Variants in GRAMD1B observed in about 807,000 individuals in gnomAD.
The protein encoded by GRAMD1B is protein Aster-B.
A neutral mutation model predicts 99.7 loss-of-function variants in GRAMD1B; 37 were observed. The ratio of observed to expected loss-of-function variants is 0.37; its 90% CI spans 0.29 to 0.49. The LOEUF (loss-of-function observed/expected upper bound fraction) is 0.49, where lower values mean the gene tolerates loss of function less well. GRAMD1B is among the 20% of genes least tolerant of loss of function. The pLI, the probability that GRAMD1B is intolerant of heterozygous loss-of-function variation, is 0.98. For synonymous variants in GRAMD1B, 427 were observed against 387.6 expected (o/e 1.10, Z -1.19); for missense variants, 888 against 1,009.2 (o/e 0.88, Z 1.63).
At position 123,609,720 on chromosome 11, in the gene GRAMD1B, C is replaced by T. The variant is rs576895935; in HGVS notation, c.1658-75C>T. On this transcript the variant is annotated intron_variant, in intron 12 of 19. Coordinates refer to ENST00000635736, the MANE Select transcript of GRAMD1B (RefSeq NM_001387025.1). ...GTAGTAAGCACAGTCCAGAAGGTCACTTGGAGGGGAAACTTGGATTGGGGA... is the reference window on the plus strand; with the variant it reads ...GTAGTAAGCACAGTCCAGAAGGTCATTTGGAGGGGAAACTTGGATTGGGGA... 125 of 895,736 alleles carry T rather than the reference C, an allele frequency of 1.4e-4. 2 individuals carry two copies. The South Asian group carries it at 1.6e-3, about 12-fold the overall frequency. 55.5% of individuals were successfully genotyped at this position (895,736 alleles called of 1,614,324 possible). A position where few individuals can be genotyped will look rare whatever the true frequency, so the allele number is the denominator to read the frequency against.
intron 1 of GRAMD1B, among the ~76,000 whole-genome samples, chr11:123,405,203 T>TGTGC (rs1189390777): frequency 6.6e-6 from 1 of 151,652 alleles, no homozygotes; most frequent in African/African-American, 2.4e-5. Context: ...TGTGTGTGTG[T>TGTGC]GTGTGTGTGT....
intron 3 of GRAMD1B, among the ~76,000 whole-genome samples, chr11:123,579,564 G>T (rs1374311292): frequency 6.6e-6 from 1 of 152,168 alleles, no homozygotes; most frequent in Non-Finnish European, 1.5e-5. Context: ...TCTGGGAATG[G>T]GGTTTTGAAA....
At position 123,525,474 on chromosome 11, in the gene GRAMD1B, C is replaced by T. The variant is rs558398830; in HGVS notation, c.452+44581C>T. On this transcript the variant is annotated intron_variant, in intron 2 of 19. Transcript: ENST00000635736. ...CTGAGTGGATGCTGACAGAAGTGCT[C>T]AACTTCAGATATTTCTGCCCCCTCC... 2.7e-4 allele frequency among the ~76,000 whole-genome samples: 41 copies of T among 152,280 alleles called. 3 individuals carry two copies. Among genetic ancestry groups the T allele is most frequent in the African/African-American group, 9.6e-4 (40 of 41,560 alleles).
intron 2 of GRAMD1B, among the ~76,000 whole-genome samples, chr11:123,485,757 C>T (rs1937674360): frequency 1.4e-5 from 2 of 146,776 alleles, no homozygotes; most frequent in African/African-American, 5.1e-5. Context: ...TGCTCTGTTA[C>T]CCAGGGTGGA....
chr11:123,417,221 A>G (rs1948261776), intron 1 of GRAMD1B, among the ~76,000 whole-genome samples: 1 of 152,088 alleles, frequency 6.6e-6, no homozygotes, highest in Admixed American at 6.5e-5. Flanking sequence ...AAAAATACAA[A>G]AATTAGCTGG....
chr11:123,616,982 CA>C (rs1465204671), intron 17 of GRAMD1B, among the ~76,000 whole-genome samples: 1 of 152,196 alleles, frequency 6.6e-6, no homozygotes, highest in East Asian at 1.9e-4. Flanking sequence ...CCTGAGAACA[CA>C]GCAGCCCCAG....
At chr11:123,575,857 C>T (rs933298735) in intron 2 of GRAMD1B, among the ~76,000 whole-genome samples, 7 of 152,114 alleles carry the variant, frequency 4.6e-5, no homozygotes, top group African/African-American at 1.7e-4. Context: ...TTGGGCCTCC[C>T]CCAATAACAA....
chr11:123,558,678 G>C (rs1186674267), intron 2 of GRAMD1B, among the ~76,000 whole-genome samples: 1 of 152,238 alleles, frequency 6.6e-6, no homozygotes, highest in African/African-American at 2.4e-5. Context: ...CATTTCAGAA[G>C]AAGTCGGACT....
intron 1 of GRAMD1B, among the ~76,000 whole-genome samples, chr11:123,413,460 G>A (rs919213382): frequency 6.6e-6 from 1 of 152,018 alleles, no homozygotes; most frequent in Non-Finnish European, 1.5e-5. Context: ...GTAATTATGG[G>A]GTAAGGAGGC....
rs1449829605 is a variant in GRAMD1B, at chr11:123,577,472, G to A, written c.558G>A (p.Glu186=). 2 of 1,604,214 alleles carry A rather than the reference G, an allele frequency of 1.2e-6. No homozygotes were observed. The highest frequency in any genetic ancestry group is 2.3e-5 in the East Asian group (1 of 44,278). The change falls in exon 3 of 20, where the codon GAG becomes GAA. Residue 186 remains glutamate, a synonymous_variant. Transcript: ENST00000635736. ...PQNQDGDTMV[E]KGSDHSSDKS... ...ACCAGGACGGAGACACCATGGTGGA[G>A]AAGGGCTCAGATCACTCCTCGGACA...
intron 17 of GRAMD1B, among the ~76,000 whole-genome samples, chr11:123,617,169 C>CTT (rs34788392): frequency 3.1e-4 from 42 of 133,674 alleles, no homozygotes; most frequent in Admixed American, 6.8e-4. Flanking sequence ...TCTTTCTTTC[C>CTT]TTTTTTTTTT....
intron 1 of GRAMD1B, chr11:123,458,568 C>T (rs1166305005): frequency 2.0e-5 from 3 of 152,124 alleles, no homozygotes; most frequent in Non-Finnish European, 4.4e-5. Flanking sequence ...TTAACCATCA[C>T]AATTACCTTC....
At position 123,403,495 on chromosome 11, in the gene GRAMD1B, C is replaced by T. The variant is rs930042841; in HGVS notation, c.-176+44696C>T. Among the ~76,000 whole-genome samples the T allele has an allele frequency of 5.4e-5, 8 of 147,588 alleles. No homozygotes were observed. The East Asian group carries it at 5.9e-4, about 11-fold the overall frequency. On this transcript the variant is annotated intron_variant, in intron 1 of 20. Coordinates refer to the GRAMD1B transcript ENST00000638157. ...ATAATAATAATAATAATAATAATTTCGTCTCTTGTTGTTAGGCTTTTTTTG... is the reference window on the plus strand; with the variant it reads ...ATAATAATAATAATAATAATAATTTTGTCTCTTGTTGTTAGGCTTTTTTTG...
chr11:123,553,523 A>T (rs777287034), intron 2 of GRAMD1B, among the ~76,000 whole-genome samples: 2 of 152,226 alleles, frequency 1.3e-5, no homozygotes, highest in African/African-American at 4.8e-5. Context: ...TGTTGGAGCC[A>T]TCTGAATCCT....
At chr11:123,582,007 G>A (rs1949408839) in intron 3 of GRAMD1B, among the ~76,000 whole-genome samples, 1 of 152,250 alleles carries the variant, frequency 6.6e-6, no homozygotes, top group South Asian at 2.1e-4. Context: ...TTACACGAAG[G>A]TCACGGCATT....
chr11:123,421,852 A>G (rs1438343985), intron 1 of GRAMD1B, among the ~76,000 whole-genome samples: 1 of 152,232 alleles, frequency 6.6e-6, no homozygotes, highest in Non-Finnish European at 1.5e-5. Context: ...ACTGAATTAA[A>G]ATTTCATACA....
At chr11:123,487,428 A>G (rs993334106) in intron 2 of GRAMD1B, among the ~76,000 whole-genome samples, 2 of 152,208 alleles carry the variant, frequency 1.3e-5, no homozygotes, top group African/African-American at 4.8e-5. Flanking sequence ...ATGTTCGGGA[A>G]CCACAAATAC....
intron 2 of GRAMD1B, among the ~76,000 whole-genome samples, chr11:123,558,891 G>C (rs1484602910): frequency 6.6e-6 from 1 of 152,224 alleles, no homozygotes; most frequent in Non-Finnish European, 1.5e-5. Flanking sequence ...TGCAGGGGCT[G>C]GCCCTCCCAG....
At chr11:123,470,016 A>C (rs1219751403) in intron 1 of GRAMD1B, among the ~76,000 whole-genome samples, 1 of 152,214 alleles carries the variant, frequency 6.6e-6, no homozygotes, top group Admixed American at 6.5e-5. Context: ...GCGAGAAAAT[A>C]ACAAAGTATG....
Sources: gnomAD v4.1 joint callset for allele counts (sites outside exome capture counted in the v4.1 genomes callset) on GRCh38, gnomAD v4.1.1 for gene constraint, MANE v1.5 for transcripts, NCBI Gene and HGNC (gene_info 2026-07-23, HGNC 2026-07-21) for gene names.